The following PHIP variants were observed in gnomAD, a reference collection of about 807,000 sequenced individuals.
PHIP encodes PHIP subunit of CUL4-Ring ligase complex, also known as PH-interacting protein.
Under a neutral mutation model 236.8 loss-of-function variants are expected in PHIP, and 54 were observed. That is an observed-to-expected ratio of 0.23 (90% CI 0.18 to 0.29). The LOEUF is 0.29. PHIP is among the 10% of genes least tolerant of loss of function. PHIP has a pLI of 1.00. For missense variants in PHIP, 1,370 were observed against 2,190.8 expected (o/e 0.63, Z 7.48); for synonymous variants, 756 against 718.9 (o/e 1.05, Z -0.83).
chr6:79,062,131 C>G (rs1773408421), intron 4 of PHIP, among the ~76,000 whole-genome samples: 1 of 152,064 alleles, frequency 6.6e-6, no homozygotes, highest in Non-Finnish European at 1.5e-5. Context: ...AAAAGGAGTT[C>G]TAATACAGTT....
intron 15 of PHIP, among the ~76,000 whole-genome samples, chr6:79,007,638 G>GT (rs1209334563): frequency 6.8e-6 from 1 of 146,948 alleles, no homozygotes; most frequent in African/African-American, 2.5e-5. Context: ...TATTAGCAGG[G>GT]TCAGTATGTC....
At chr6:79,056,491 A>G (rs1392461373) in intron 6 of PHIP, among the ~76,000 whole-genome samples, 1 of 152,194 alleles carries the variant, frequency 6.6e-6, no homozygotes, top group Non-Finnish European at 1.5e-5. Context: ...AGGAGGCATG[A>G]CATGGTAATA....
intron 21 of PHIP, among the ~76,000 whole-genome samples, chr6:78,986,645 G>T (rs1220780310): frequency 6.6e-6 from 1 of 152,038 alleles, no homozygotes; most frequent in Non-Finnish European, 1.5e-5. Flanking sequence ...TTACTTGCTG[G>T]GCATATTCAG....
In PHIP at chr6:79,031,100, C is replaced by T. The variant is rs138160981; in HGVS notation, c.601-4936G>A. Among the ~76,000 whole-genome samples, 96 of 152,200 alleles carry T rather than the reference C, an allele frequency of 6.3e-4. 1 individual carries two copies. In the South Asian group the frequency reaches 8.1e-3, roughly 13 times the overall value. On this transcript the variant is annotated intron_variant, in intron 7 of 39. Coordinates refer to ENST00000275034, the MANE Select transcript of PHIP (RefSeq NM_017934.7). ...CTGGAATTACAGGCGTCCGCCACCA[C>T]ACCCAGCTAATTTTTATATTTTTAG...
chr6:78,960,209 T>G (rs536972511), intron 31 of PHIP, among the ~76,000 whole-genome samples: 1 of 152,336 alleles, frequency 6.6e-6, no homozygotes, highest in African/African-American at 2.4e-5. Context: ...AAGTCAAACC[T>G]TATGTATAGT....
At chr6:79,037,838 G>A (rs1313330010) in intron 7 of PHIP, among the ~76,000 whole-genome samples, 1 of 152,134 alleles carries the variant, frequency 6.6e-6, no homozygotes, top group Non-Finnish European at 1.5e-5. Flanking sequence ...TATGCCTCCT[G>A]TATACATCAG....
intron 17 of PHIP, among the ~76,000 whole-genome samples, 154 bp downstream of exon 17, chr6:79,001,745 T>A (rs1026394003): frequency 6.6e-6 from 1 of 152,118 alleles, no homozygotes; most frequent in African/African-American, 2.4e-5. Context: ...TAACTTGTAA[T>A]CCTTAAGCAT....
At chr6:78,971,998 G>T (rs764826149) in intron 24 of PHIP, among the ~76,000 whole-genome samples, 3 of 150,626 alleles carry the variant, frequency 2.0e-5, no homozygotes, top group Non-Finnish European at 3.0e-5. Context: ...CAAAGCAGCC[G>T]GGAAGCTCGA....
intron 33 of PHIP, 107 bp downstream of exon 33, chr6:78,955,506 C>G: frequency 3.6e-6 from 2 of 558,088 alleles, no homozygotes; most frequent in Non-Finnish European, 6.3e-6. Flanking sequence ...ATTAACTACA[C>G]TAGACAAAAA....
At chr6:78,986,692 A>T (rs1181269795) in intron 21 of PHIP, among the ~76,000 whole-genome samples, 1 of 152,180 alleles carries the variant, frequency 6.6e-6, no homozygotes, top group African/African-American at 2.4e-5. Flanking sequence ...GGATTCTTTT[A>T]ATATTTAAAT....
At chr6:79,042,168 A>G (rs1488196150) in intron 7 of PHIP, among the ~76,000 whole-genome samples, 1 of 152,024 alleles carries the variant, frequency 6.6e-6, no homozygotes, top group Non-Finnish European at 1.5e-5. Flanking sequence ...GTAGATGTTA[A>G]GGCACCTGAA....
intron 22 of PHIP, among the ~76,000 whole-genome samples, chr6:78,984,415 T>C (rs930115355): frequency 1.4e-5 from 2 of 139,130 alleles, no homozygotes; most frequent in African/African-American, 5.1e-5. Flanking sequence ...TATCACTCTC[T>C]GGAGTACTTG....
Position 78,970,945 on chromosome 6 carries a change from C to G in PHIP, c.2890-57G>C, listed in dbSNP as rs945752898. ...GATGTGTTTCCTTTAATCCAATATA[C>G]AGGGTATCAGCTGAAATTGCAAAGA... On this transcript the variant is annotated intron_variant, in intron 24 of 39. Coordinates refer to ENST00000275034, the MANE Select transcript of PHIP (RefSeq NM_017934.7). 4 of 1,145,590 alleles carry G rather than the reference C, an allele frequency of 3.5e-6. No homozygotes were observed. In the South Asian group the frequency reaches 4.2e-5, roughly 12 times the overall value. 71.0% of individuals were successfully genotyped at this position (1,145,590 alleles called of 1,614,324 possible). A position where few individuals can be genotyped will look rare whatever the true frequency, so the allele number is the denominator to read the frequency against.
At chr6:79,051,285 T>C (rs1390337009) in intron 6 of PHIP, among the ~76,000 whole-genome samples, 1 of 152,086 alleles carries the variant, frequency 6.6e-6, no homozygotes, top group Admixed American at 6.6e-5. Context: ...ATCACCGTAA[T>C]AGTAACTATA....
chr6:78,980,311 G>A (rs1469198424), intron 23 of PHIP, among the ~76,000 whole-genome samples: 1 of 151,886 alleles, frequency 6.6e-6, no homozygotes, highest in African/African-American at 2.4e-5. Flanking sequence ...AGGAGAAACA[G>A]GAAGACACAT....
At position 78,961,597 on chromosome 6, in the gene PHIP, T is replaced by C. The variant is rs1343629678; in HGVS notation, c.3656+93A>G. 3.3e-5 allele frequency: 41 copies of C among 1,243,760 alleles called. No individual in the cohort carries two copies. In the East Asian group the frequency reaches 6.6e-4, roughly 20 times the overall value. 77.0% of individuals were successfully genotyped at this position (1,243,760 alleles called of 1,614,324 possible). A position where few individuals can be genotyped will look rare whatever the true frequency, so the allele number is the denominator to read the frequency against. On this transcript the variant is annotated intron_variant, in intron 31 of 39. Transcript: ENST00000275034. ...CCATAATCTTATGTGCATTCCTATA[T>C]ACAAAAAGTTGAGAAACACTGCTAA...
At chr6:79,077,325 C>A in intron 4 of PHIP, 123 bp downstream of exon 4, 1 of 938,166 alleles carries the variant, frequency 1.1e-6, no homozygotes, top group South Asian at 1.3e-5. Flanking sequence ...CCAACCCTCC[C>A]CATGGCCTTT....
intron 15 of PHIP, 41 bp downstream of exon 15, chr6:79,015,041 C>CA (rs764296060): frequency 6.4e-7 from 1 of 1,554,218 alleles, no homozygotes; most frequent in South Asian, 1.2e-5. Flanking sequence ...AAAAAGCTCC[C>CA]AAATCTTTAG....
chr6:78,987,574 A>G (rs750684987), intron 21 of PHIP, among the ~76,000 whole-genome samples: 2 of 152,178 alleles, frequency 1.3e-5, no homozygotes, highest in Non-Finnish European at 2.9e-5. Context: ...TAAAATGATT[A>G]CATCTCTAAC....
Sources: gnomAD v4.1 joint callset for allele counts (sites outside exome capture counted in the v4.1 genomes callset) on GRCh38, gnomAD v4.1.1 for gene constraint, MANE v1.5 for transcripts, NCBI Gene and HGNC (gene_info 2026-07-23, HGNC 2026-07-21) for gene names.